Variants in ATP6AP1 observed in about 807,000 individuals in gnomAD.
The protein encoded by ATP6AP1 is ATPase H+ transporting accessory protein 1, also known as V-type proton ATPase subunit S1.
ATP6AP1 carries 1 observed loss-of-function variant against 32.0 expected under a neutral mutation model. The observed-to-expected ratio is 0.03, with a 90% confidence interval of 0.01 to 0.15. The LOEUF is 0.15. Among genes scored for constraint, ATP6AP1 ranks in the 10% least tolerant of loss-of-function variants. The pLI, the probability that ATP6AP1 is intolerant of heterozygous loss-of-function variation, is 1.00. For missense variants in ATP6AP1, 297 were observed against 398.8 expected (o/e 0.74, Z 2.17); for synonymous variants, 187 against 174.9 (o/e 1.07, Z -0.55).
chrX:154,433,823 G>A, intron 6 of ATP6AP1, 103 bp downstream of exon 6: 2 of 865,219 alleles, frequency 2.3e-6, no homozygotes, highest in Non-Finnish European at 3.3e-6. Flanking sequence ...CTGCCCAGGA[G>A]GCCCAGCATA....
At chrX:154,429,317 G>A in intron 2 of ATP6AP1, 143 bp downstream of exon 2, 1 of 774,711 alleles carries the variant, frequency 1.3e-6, no homozygotes, top group Non-Finnish European at 1.9e-6. Flanking sequence ...CTCATGGGAA[G>A]GCCTGTAGTA....
At chrX:154,432,886 G>T in intron 4 of ATP6AP1, 45 bp from the exon 5 acceptor site, 1 of 1,206,184 alleles carries the variant, frequency 8.3e-7, no homozygotes, top group Non-Finnish European at 1.1e-6. Context: ...GGCAGTGCAG[G>T]TCCAGGCCGC....
intron 3 of ATP6AP1, 22 bp downstream of exon 3, chrX:154,431,926 G>A (rs782275748): frequency 2.9e-5 from 34 of 1,189,293 alleles, no homozygotes; most frequent in Non-Finnish European, 3.6e-5. Context: ...CTCCCAGCCA[G>A]GGGCCATGGG....
intron 9 of ATP6AP1, 44 bp downstream of exon 9, chrX:154,435,549 C>A: frequency 8.4e-7 from 1 of 1,193,769 alleles, no homozygotes; most frequent in Non-Finnish European, 1.1e-6. Flanking sequence ...GGAGCCCAGG[C>A]TAGTGGTTGA....
rs369607006 is a variant in ATP6AP1, at chrX:154,431,834, G to A, written c.293G>A (p.Ser98Asn). ...TCTCCCCTATTTCCCTAATAGCTGA[G>A]CATTGAGGATTTCACAGCATATGGC... ...NVLLFLQDKL[S>N]IEDFTAYGGV... The change falls in exon 3 of 10, where the codon AGC becomes AAC. Residue 98 changes from serine (S) to asparagine (N), a missense_variant. By Grantham distance (46) the Ser-to-Asn change is conservative (BLOSUM62 1). Transcript: ENST00000369762. 5.8e-6 allele frequency: 7 copies of A among 1,211,496 alleles called. No homozygotes were observed. Among genetic ancestry groups the A allele is most frequent in the Non-Finnish European group, 6.7e-6 (6 of 895,282 alleles).
In ATP6AP1 at chrX:154,428,773, G is replaced by A; in HGVS notation, c.81G>A (p.Pro27=). 8.8e-7 allele frequency: 1 copy of A among 1,133,754 alleles called. No homozygotes were observed. The highest frequency in any genetic ancestry group is 2.0e-5 in the South Asian group (1 of 50,398). The allele number at this position is 1,133,754 out of a possible 1,213,427, so 93.4% of individuals were successfully genotyped here. The change falls in exon 1 of 10, where the codon CCG becomes CCA. Residue 27 remains proline, a synonymous_variant. Transcript: ENST00000369762. ...AQALWRMPWL[P]VFLSLAAAAA... Reference sequence around the variant, plus strand: ...CGCTCTGGCGCATGCCGTGGCTGCCGGTGTTTTTGTCGTTGGCGGCGGCGG... The same window carrying A: ...CGCTCTGGCGCATGCCGTGGCTGCCAGTGTTTTTGTCGTTGGCGGCGGCGG...
In ATP6AP1 at chrX:154,432,322, A is replaced by T; in HGVS notation, c.420A>T (p.Ala140=). 1 of 1,212,156 alleles carries T rather than the reference A, an allele frequency of 8.2e-7. No homozygotes were observed. The highest frequency in any genetic ancestry group is 1.1e-6 in the Non-Finnish European group (1 of 895,523). Residue 140 remains alanine, a synonymous_variant, in exon 4 of 10, where the codon GCA becomes GCT. Transcript: ENST00000369762. ...TGCTTCCTGCCGTCGACTGGTATGC[A>T]GTCAGCACTCTGACCACTTACCTGC... ...SLVLPAVDWY[A]VSTLTTYLQE...
chrX:154,432,361 G>A lies in ATP6AP1; in HGVS notation c.459G>A (p.Gly153=), dbSNP rs1184634373. The A allele has an allele frequency of 7.4e-6, 9 of 1,210,886 alleles. No homozygotes were observed. The highest frequency in any genetic ancestry group is 6.9e-5 in the African/African-American group (4 of 57,631). Residue 153 remains glycine, a synonymous_variant, in exon 4 of 10, where the codon GGG becomes GGA. Transcript: ENST00000369762. ...CCACTTACCTGCAGGAGAAGCTCGG[G>A]GCCAGCCCCTTGCATGTGGACCTGG... ...TLTTYLQEKL[G]ASPLHVDLAT...
chrX:154,432,606 G>T, intron 4 of ATP6AP1, 147 bp downstream of exon 4: 2 of 858,612 alleles, frequency 2.3e-6, no homozygotes, highest in South Asian at 5.4e-5. Context: ...TGTGTGGCCA[G>T]AAGAGGAGGG....
At position 154,429,159 on chromosome X, in the gene ATP6AP1, G is replaced by C; in HGVS notation, c.273G>C (p.Leu91=). The part of the protein sequence containing the change: ...ALELGPRNVL[L]FLQDKLSIED... The stretch of plus-strand genomic sequence containing the variant: ...AGCTGGGTCCCAGGAATGTGCTGCT[G>C]TTCCTGCAGGACAAGGTGCGCCCGC... Residue 91 remains leucine (L), a synonymous_variant, in exon 2 of 10, where the codon CTG becomes CTC. Coordinates refer to ENST00000369762, the MANE Select transcript of ATP6AP1 (RefSeq NM_001183.6). The C allele has an allele frequency of 1.7e-6, 2 of 1,211,417 alleles. No homozygotes were observed. Among genetic ancestry groups the C allele is most frequent in the Middle Eastern group, 2.3e-4 (1 of 4,353 alleles).
chrX:154,432,904 C>T (rs2068701638), intron 4 of ATP6AP1, 27 bp from the exon 5 acceptor site: 2 of 1,211,002 alleles, frequency 1.7e-6, no homozygotes, highest in Non-Finnish European at 2.2e-6. Flanking sequence ...CGCCTGAGGA[C>T]TCTGGCGCTC....
At chrX:154,434,002 C>T (rs782295007) in intron 6 of ATP6AP1, among the ~76,000 whole-genome samples, 4 of 111,480 alleles carry the variant, frequency 3.6e-5, no homozygotes, top group Non-Finnish European at 7.6e-5. Context: ...GTCTAAATGA[C>T]CCTAAGTTTG....
intron 9 of ATP6AP1, 33 bp downstream of exon 9, chrX:154,435,538 G>C (rs782455566): frequency 1.7e-6 from 2 of 1,199,314 alleles, no homozygotes; most frequent in South Asian, 3.5e-5. Flanking sequence ...CTTCAGGTGG[G>C]GGAGCCCAGG....
At chrX:154,429,887 C>T (rs1432522849) in intron 2 of ATP6AP1, 1 of 112,032 alleles carries the variant, frequency 8.9e-6, no homozygotes, top group Non-Finnish European at 1.9e-5. Flanking sequence ...GCCTGTATGG[C>T]TCATTGCCCT....
chrX:154,432,310 C>T lies in ATP6AP1; in HGVS notation c.408C>T (p.Val136=). 2.5e-6 allele frequency: 3 copies of T among 1,211,265 alleles called. No homozygotes were observed. Among genetic ancestry groups the T allele is most frequent in the South Asian group, 1.8e-5 (1 of 56,923 alleles). The change falls in exon 4 of 10, where the codon GTC becomes GTT. Residue 136 remains valine, a synonymous_variant. Coordinates refer to ENST00000369762, the MANE Select transcript of ATP6AP1 (RefSeq NM_001183.6). ...CCTCCTCACTGGTGCTTCCTGCCGT[C>T]GACTGGTATGCAGTCAGCACTCTGA... The part of the protein sequence containing the change: ...LAPSSLVLPA[V]DWYAVSTLTT...
At chrX:154,431,938 G>A (rs1321814577) in intron 3 of ATP6AP1, 34 bp downstream of exon 3, 1 of 1,176,620 alleles carries the variant, frequency 8.5e-7, no homozygotes, top group African/African-American at 1.7e-5. Flanking sequence ...GGCCATGGGG[G>A]ACATTCTGTG....
chrX:154,434,994 T>C, intron 7 of ATP6AP1, 145 bp from the exon 8 acceptor site: 1 of 628,167 alleles, frequency 1.6e-6, no homozygotes, highest in Non-Finnish European at 2.4e-6. Flanking sequence ...AGTTTTCCTA[T>C]CTGTCAAGTG....
In ATP6AP1 at chrX:154,435,903, T is replaced by TGG. The variant is rs199817275; in HGVS notation, c.*18_*19dup. On this transcript the variant is annotated 3_prime_UTR_variant, in exon 10 of 10. Transcript: ENST00000369762. The stretch of plus-strand genomic sequence containing the variant: ...CCCAGATTGTGTGACCCTGTGCCAG[T>TGG]GGGGGGGTTGAGGGTGGGACGGTGT... 94 of 1,194,555 alleles carry TGG rather than the reference T, an allele frequency of 7.9e-5. No individual in the cohort carries two copies. In the African/African-American group the frequency reaches 1.4e-3, roughly 18 times the overall value.
chrX:154,429,793 A>G (rs1301793008), intron 2 of ATP6AP1: 1 of 112,229 alleles, frequency 8.9e-6, no homozygotes, highest in African/African-American at 3.3e-5. Flanking sequence ...CTTCCCATCC[A>G]GGATCTTTGC....
Sources: allele counts gnomAD v4.1 joint callset (sites outside exome capture counted in the v4.1 genomes callset), GRCh38; gene constraint gnomAD v4.1.1; transcripts MANE v1.5; gene names NCBI Gene and HGNC (gene_info 2026-07-23, HGNC 2026-07-21).